Variants in IP6K1 observed in about 807,000 individuals in gnomAD.
IP6K1 encodes the protein inositol hexakisphosphate kinase 1, also known as ATP:1D-myo-inositol-hexakisphosphate phosphotransferase.
A neutral mutation model predicts 38.3 loss-of-function variants in IP6K1; 13 were observed. The observed-to-expected ratio is 0.34, with a 90% CI of 0.22 to 0.54. IP6K1 has a LOEUF of 0.54. Among genes scored for constraint, IP6K1 ranks in the 20% least tolerant of loss-of-function variants. The probability of loss-of-function intolerance (pLI) is 0.92; values close to 1 mark genes in which losing one functional copy is unlikely to be tolerated. For missense variants in IP6K1, 397 were observed against 599.8 expected (o/e 0.66, Z 3.53); for synonymous variants, 212 against 229.9 (o/e 0.92, Z 0.70).
intron 1 of IP6K1, among the ~76,000 whole-genome samples, chr3:49,753,348 CTCTT>C (rs1216807261): frequency 3.9e-5 from 6 of 152,270 alleles, no homozygotes; most frequent in Non-Finnish European, 8.8e-5. Context: ...ATCAAAATGT[CTCTT>C]TCTCAATGAA....
In IP6K1 at chr3:49,752,348, T is replaced by C. The variant is rs186842876; in HGVS notation, c.-128-4180A>G. ...TAAAAATACAAAAAAATTAGACGGGTGTGGTGGCGGGCGCCTGTAGTCCCA... is the reference window on the plus strand; with the variant it reads ...TAAAAATACAAAAAAATTAGACGGGCGTGGTGGCGGGCGCCTGTAGTCCCA... On this transcript the variant is annotated intron_variant, in intron 1 of 5. Transcript: ENST00000321599. Among the ~76,000 whole-genome samples the C allele has an allele frequency of 9.1e-3, 1,369 of 151,224 alleles. 18 individuals carry two copies. The highest frequency in any genetic ancestry group is 0.032 in the African/African-American group (1,313 of 41,164).
In IP6K1 at chr3:49,747,808, A is replaced by T; in HGVS notation, c.223+10T>A. ...GGCTGCTGCTTTCATTAAACTGGCC[A>T]GTGACTGACCTTTGTATTCAGGGGT... On this transcript the variant is annotated intron_variant, in intron 2 of 5. Coordinates refer to ENST00000321599, the MANE Select transcript of IP6K1 (RefSeq NM_153273.4). The T allele has an allele frequency of 6.2e-7, 1 of 1,614,122 alleles. No individual in the cohort carries two copies. Among genetic ancestry groups the T allele is most frequent in the East Asian group, 2.2e-5 (1 of 44,888 alleles).
chr3:49,751,664 G>C (rs550404616), intron 1 of IP6K1, among the ~76,000 whole-genome samples: 1 of 152,272 alleles, frequency 6.6e-6, no homozygotes, highest in South Asian at 2.1e-4. Context: ...AAGAGGTTAT[G>C]GGGTTCCATT....
At chr3:49,738,569 A>G (rs1003324360) in intron 2 of IP6K1, 147 bp from the exon 3 acceptor site, 20 of 653,568 alleles carry the variant, frequency 3.1e-5, no homozygotes, top group African/African-American at 3.0e-4. Context: ...AACAGCCAGC[A>G]GACAGTAACT....
chr3:49,771,418 A>T lies in IP6K1; in HGVS notation c.-129+14936T>A, dbSNP rs140632620. ...TTGAATACATACTTCACAAACGAAG[A>T]TACACAAAGACCATTAAGTACAGGA... On this transcript the variant is annotated intron_variant, in intron 1 of 5. Transcript: ENST00000321599. Among the ~76,000 whole-genome samples, 1,129 of 152,320 alleles carry T rather than the reference A, an allele frequency of 7.4e-3. 6 individuals carry two copies. The highest frequency in any genetic ancestry group is 0.041 in the Middle Eastern group (12 of 294).
chr3:49,760,623 CAA>C (rs56070382), intron 1 of IP6K1, among the ~76,000 whole-genome samples: 20,850 of 99,910 alleles, frequency 0.21, 1,289 homozygotes, highest in African/African-American at 0.29. Context: ...GACTTCGTCT[CAA>C]AAAAAAAAAA....
At chr3:49,746,329 A>C (rs909345700) in intron 2 of IP6K1, among the ~76,000 whole-genome samples, 2 of 150,452 alleles carry the variant, frequency 1.3e-5, no homozygotes, top group Admixed American at 6.7e-5. Context: ...ATGAATGAAT[A>C]AACAAAATGT....
chr3:49,745,438 C>A (rs1386431766), intron 2 of IP6K1, among the ~76,000 whole-genome samples: 5 of 152,126 alleles, frequency 3.3e-5, no homozygotes, highest in African/African-American at 9.7e-5. Flanking sequence ...AAGAAACAAC[C>A]CAGGCCAGTC....
At chr3:49,785,129 C>T (rs997854932) in intron 1 of IP6K1, among the ~76,000 whole-genome samples, 1 of 152,206 alleles carries the variant, frequency 6.6e-6, no homozygotes, top group Non-Finnish European at 1.5e-5. Flanking sequence ...CCTGCACACT[C>T]TACTGAGGAT....
intron 1 of IP6K1, chr3:49,785,414 G>T (rs565272022): frequency 6.6e-6 from 1 of 152,336 alleles, no homozygotes; most frequent in South Asian, 2.1e-4. Context: ...GCTGAGGCAG[G>T]ATAATCGCTT....
chr3:49,760,705 C>T (rs892674215), intron 1 of IP6K1, among the ~76,000 whole-genome samples: 1 of 151,768 alleles, frequency 6.6e-6, no homozygotes, highest in African/African-American at 2.4e-5. Flanking sequence ...AGAGCAGTTT[C>T]CAAATTTCTC....
intron 1 of IP6K1, among the ~76,000 whole-genome samples, chr3:49,784,090 C>T (rs1044561392): frequency 3.9e-5 from 6 of 152,040 alleles, no homozygotes; most frequent in African/African-American, 1.4e-4. Flanking sequence ...GATCTCAGCT[C>T]ACTGCAACCT....
chr3:49,772,210 C>A (rs939084956), intron 1 of IP6K1, among the ~76,000 whole-genome samples: 6 of 117,854 alleles, frequency 5.1e-5, no homozygotes, highest in Non-Finnish European at 9.5e-5. Context: ...AAGACCCTTT[C>A]CCTTAAAAAA....
chr3:49,765,156 A>G (rs2080900655), intron 1 of IP6K1, among the ~76,000 whole-genome samples: 1 of 152,194 alleles, frequency 6.6e-6, no homozygotes, highest in Non-Finnish European at 1.5e-5. Flanking sequence ...ATCTGAAAAT[A>G]CTATCCAAGA....
intron 4 of IP6K1, 106 bp from the exon 5 acceptor site, chr3:49,728,384 G>A (rs2080531047): frequency 9.7e-7 from 1 of 1,026,586 alleles, no homozygotes; most frequent in South Asian, 1.6e-5. Flanking sequence ...AATGCAGTAT[G>A]TACTTGTCTC....
intron 1 of IP6K1, among the ~76,000 whole-genome samples, chr3:49,771,409 C>A (rs955667450): frequency 2.0e-5 from 3 of 152,014 alleles, no homozygotes; most frequent in Non-Finnish European, 2.9e-5. Flanking sequence ...ACATACTTCA[C>A]AAACGAAGAT....
chr3:49,785,972 G>C (rs552899026), intron 1 of IP6K1: 1 of 152,390 alleles, frequency 6.6e-6, no homozygotes, highest in East Asian at 1.9e-4. Context: ...TCACTCGCAG[G>C]AACGCTATCT....
intron 3 of IP6K1, 37 bp downstream of exon 3, chr3:49,738,175 G>A (rs1218761804): frequency 6.5e-7 from 1 of 1,542,404 alleles, no homozygotes; most frequent in Non-Finnish European, 9.0e-7. Context: ...GACGTCTTGA[G>A]TGCTTGTACC....
At chr3:49,747,372 C>T (rs1388906185) in intron 2 of IP6K1, among the ~76,000 whole-genome samples, 1 of 152,032 alleles carries the variant, frequency 6.6e-6, no homozygotes, top group African/African-American at 2.4e-5. Flanking sequence ...ACTTCCAGGC[C>T]CCAGAAAGTC....
Sources: gnomAD v4.1 joint callset for allele counts (sites outside exome capture counted in the v4.1 genomes callset) on GRCh38, gnomAD v4.1.1 for gene constraint, MANE v1.5 for transcripts, NCBI Gene and HGNC (gene_info 2026-07-23, HGNC 2026-07-21) for gene names.